The following PLCB1 variants were observed in gnomAD, a reference collection of about 807,000 sequenced individuals.
PLCB1 encodes the protein phospholipase C beta 1, also known as 1-phosphatidylinositol 4,5-bisphosphate phosphodiesterase beta-1.
PLCB1 carries 46 observed loss-of-function variants against 161.8 expected under a neutral mutation model. That is an observed-to-expected ratio of 0.28 (90% CI 0.22 to 0.36). The LOEUF (loss-of-function observed/expected upper bound fraction) is 0.36. Ranked by LOEUF, PLCB1 falls within the 10% of genes least tolerant of loss-of-function variation. The probability of loss-of-function intolerance (pLI) is 1.00; values close to 1 mark genes in which losing one functional copy is unlikely to be tolerated. For missense variants in PLCB1, 1,016 were observed against 1,472.5 expected (o/e 0.69, Z 5.07); for synonymous variants, 517 against 503.7 (o/e 1.03, Z -0.35).
At chr20:8,156,449 T>C (rs1174903184) in intron 2 of PLCB1, among the ~76,000 whole-genome samples, 1 of 152,204 alleles carries the variant, frequency 6.6e-6, no homozygotes, top group Non-Finnish European at 1.5e-5. Context: ...CTAGAATCCT[T>C]ATCTAGGAAC....
chr20:8,829,181 T>C (rs1985860828), intron 31 of PLCB1, among the ~76,000 whole-genome samples: 1 of 152,150 alleles, frequency 6.6e-6, no homozygotes, highest in Non-Finnish European at 1.5e-5. Context: ...TGGAATACAT[T>C]TCATGTAAGC....
intron 27 of PLCB1, among the ~76,000 whole-genome samples, chr20:8,775,698 G>T (rs946464215): frequency 6.6e-6 from 1 of 152,090 alleles, no homozygotes; most frequent in Non-Finnish European, 1.5e-5. Flanking sequence ...TTCTAACGAG[G>T]CCCGTTATTC....
chr20:8,603,300 C>T (rs1987653379), intron 3 of PLCB1, among the ~76,000 whole-genome samples: 1 of 152,146 alleles, frequency 6.6e-6, no homozygotes, highest in African/African-American at 2.4e-5. Flanking sequence ...ATATACATCC[C>T]TCTAAATCTA....
chr20:8,585,360 T>C (rs1986958846), intron 3 of PLCB1, among the ~76,000 whole-genome samples: 1 of 152,232 alleles, frequency 6.6e-6, no homozygotes, highest in Non-Finnish European at 1.5e-5. Flanking sequence ...TCCAGTTCAC[T>C]GACCCTTAAT....
chr20:8,250,188 TC>T (rs1981066952), intron 2 of PLCB1, among the ~76,000 whole-genome samples: 1 of 152,024 alleles, frequency 6.6e-6, no homozygotes, highest in East Asian at 1.9e-4. Flanking sequence ...ATGGGCGCCA[TC>T]CCATATCTGT....
At chr20:8,355,882 A>C (rs1024442999) in intron 2 of PLCB1, among the ~76,000 whole-genome samples, 4 of 152,196 alleles carry the variant, frequency 2.6e-5, no homozygotes, top group African/African-American at 9.7e-5. Context: ...GGGAATGCTT[A>C]TAAGGGATTA....
intron 10 of PLCB1, among the ~76,000 whole-genome samples, chr20:8,694,009 CT>C (rs1472500991): frequency 3.1e-4 from 47 of 152,296 alleles, no homozygotes; most frequent in African/African-American, 1.1e-3. Flanking sequence ...GGTTGAATGA[CT>C]CATGACCTAT....
chr20:8,178,159 C>G (rs1343440921), intron 2 of PLCB1, among the ~76,000 whole-genome samples: 2 of 152,160 alleles, frequency 1.3e-5, no homozygotes, highest in Non-Finnish European at 2.9e-5. Context: ...AATGAACATA[C>G]ATGTGCATAT....
At chr20:8,578,346 C>G (rs1272435692) in intron 3 of PLCB1, among the ~76,000 whole-genome samples, 1 of 152,146 alleles carries the variant, frequency 6.6e-6, no homozygotes, top group Non-Finnish European at 1.5e-5. Flanking sequence ...GATCAACTCT[C>G]AACAGTCCTT....
chr20:8,681,520 A>G (rs529695360), intron 9 of PLCB1, among the ~76,000 whole-genome samples: 14 of 152,060 alleles, frequency 9.2e-5, no homozygotes, highest in Non-Finnish European at 1.8e-4. Flanking sequence ...TTCTTCTTTC[A>G]TGTTCAATAA....
At chr20:8,797,237 C>G (rs539969926) in intron 31 of PLCB1, among the ~76,000 whole-genome samples, 16 of 152,162 alleles carry the variant, frequency 1.1e-4, no homozygotes, top group African/African-American at 3.1e-4. Flanking sequence ...CCCCCTCCCC[C>G]CACCGACAGC....
intron 1 of PLCB1, among the ~76,000 whole-genome samples, chr20:8,136,547 A>G (rs1388100399): frequency 2.6e-5 from 4 of 151,532 alleles, no homozygotes; most frequent in Non-Finnish European, 2.9e-5. Context: ...AATGGCGTGA[A>G]CCTGGGAGGC....
chr20:8,730,688 G>A (rs1306307609), intron 18 of PLCB1, among the ~76,000 whole-genome samples: 1 of 151,536 alleles, frequency 6.6e-6, no homozygotes, highest in Non-Finnish European at 1.5e-5. Flanking sequence ...GACAAAAACT[G>A]ACACCTTTTT....
chr20:8,671,327 C>A (rs1989937815), intron 9 of PLCB1, among the ~76,000 whole-genome samples: 1 of 152,190 alleles, frequency 6.6e-6, no homozygotes, highest in South Asian at 2.1e-4. Flanking sequence ...GCCCACAAAA[C>A]AATGTCACTT....
At chr20:8,316,844 T>C (rs753092318) in intron 2 of PLCB1, among the ~76,000 whole-genome samples, 63 of 152,188 alleles carry the variant, frequency 4.1e-4, no homozygotes, top group Non-Finnish European at 7.8e-4. Flanking sequence ...CTTTTGGGGA[T>C]CATAGGACTC....
At chr20:8,213,777 G>A (rs1245570505) in intron 2 of PLCB1, among the ~76,000 whole-genome samples, 5 of 151,820 alleles carry the variant, frequency 3.3e-5, no homozygotes, top group Admixed American at 2.0e-4. Context: ...AGAATGCTTA[G>A]AATTTAAAAA....
intron 2 of PLCB1, among the ~76,000 whole-genome samples, chr20:8,288,083 GC>G (rs1294704503): frequency 6.6e-6 from 1 of 152,120 alleles, no homozygotes. Context: ...ACTGACTTAG[GC>G]TAGTTGCAGA....
At chr20:8,330,819 A>G (rs144914883) in intron 2 of PLCB1, among the ~76,000 whole-genome samples, 14 of 152,332 alleles carry the variant, frequency 9.2e-5, no homozygotes, top group African/African-American at 3.4e-4. Context: ...ATTAGCATCT[A>G]CATCCTTTGC....
At chr20:8,552,054 C>T (rs917768725) in intron 3 of PLCB1, among the ~76,000 whole-genome samples, 2 of 152,038 alleles carry the variant, frequency 1.3e-5, no homozygotes, top group Non-Finnish European at 2.9e-5. Context: ...TGCTTGTTTG[C>T]AAATAGCTAC....
Sources: allele counts gnomAD v4.1 joint callset (sites outside exome capture counted in the v4.1 genomes callset), GRCh38; gene constraint gnomAD v4.1.1; transcripts MANE v1.5; gene names NCBI Gene and HGNC (gene_info 2026-07-23, HGNC 2026-07-21).